Variants in TRPC6 observed in about 807,000 individuals in gnomAD.
The protein encoded by TRPC6 is short transient receptor potential channel 6.
Under a neutral mutation model 90.7 loss-of-function variants are expected in TRPC6, and 55 were observed. That is an observed-to-expected ratio of 0.61 (90% confidence interval 0.49 to 0.76). The LOEUF (loss-of-function observed/expected upper bound fraction) is 0.76, where lower values mean the gene tolerates loss of function less well. Among genes scored for constraint, TRPC6 ranks in the 30% least tolerant of loss-of-function variants. The pLI is 0.00. For missense variants in TRPC6, 989 were observed against 1,122.7 expected, an observed-to-expected ratio of 0.88 and a Z score of 1.70; for synonymous variants, 393 against 393.0, an observed-to-expected ratio of 1.00 and a Z score of 0.00.
intron 1 of TRPC6, among the ~76,000 whole-genome samples, chr11:101,555,995 G>A (rs779874384): frequency 2.0e-5 from 3 of 152,118 alleles, no homozygotes; most frequent in African/African-American, 7.2e-5. Flanking sequence ...AGATTAAAAG[G>A]GGGATTTTTT....
intron 1 of TRPC6, among the ~76,000 whole-genome samples, chr11:101,542,796 A>C (rs1450584814): frequency 6.6e-6 from 1 of 152,044 alleles, no homozygotes; most frequent in Non-Finnish European, 1.5e-5. Context: ...ACATCTAAAC[A>C]GATTAAAATT....
At chr11:101,484,595 ATGTGTGTGTGTGTGTG>A (rs61160203) in intron 4 of TRPC6, among the ~76,000 whole-genome samples, 1,943 of 140,900 alleles carry the variant, frequency 0.014, 47 homozygotes, top group African/African-American at 0.047. Context: ...CTCTCATGCT[ATGTGTGTGTGTGTGTG>A]TGTGTGTGTG....
At chr11:101,580,578 T>C (rs2136904512) in intron 1 of TRPC6, among the ~76,000 whole-genome samples, 1 of 145,680 alleles carries the variant, frequency 6.9e-6, no homozygotes, top group African/African-American at 2.5e-5. Context: ...CCCATAAATA[T>C]AAATAAAAAC....
chr11:101,549,479 T>C lies in TRPC6; in HGVS notation c.170+33855A>G, dbSNP rs566534936. 1.1e-4 allele frequency among the ~76,000 whole-genome samples: 17 copies of C among 151,760 alleles called. No individual in the cohort carries two copies. In the East Asian group the frequency reaches 3.3e-3, roughly 29 times the overall value. On this transcript the variant is annotated intron_variant, in intron 1 of 12. Coordinates refer to ENST00000344327, the MANE Select transcript of TRPC6 (RefSeq NM_004621.6). ...AAAAGGCAAGTCAACATTTATCAGA[T>C]CTTATACTGGTAGTTACCAACTTTG...
chr11:101,510,530 A>G (rs1380784407), intron 1 of TRPC6, among the ~76,000 whole-genome samples: 2 of 152,190 alleles, frequency 1.3e-5, no homozygotes, highest in African/African-American at 4.8e-5. Context: ...CACATTTAGC[A>G]TGGTTAAAAG....
At chr11:101,508,527 TTC>T (rs1860325184) in intron 1 of TRPC6, among the ~76,000 whole-genome samples, 2 of 152,136 alleles carry the variant, frequency 1.3e-5, no homozygotes, top group Admixed American at 6.5e-5. Context: ...CCCTCTTCCC[TTC>T]TCTCTGTCAC....
In TRPC6 at chr11:101,504,743, C is replaced by A; in HGVS notation, c.226G>T (p.Gly76Trp). ...GGTCCTCGATTAGCTAACCTTCTCC[C>A]CTTCTCACGGAGAACTGTCTGCCGC... ...HRRQTVLREKGRRLANRGPAY... is the reference protein window; with the variant it reads ...HRRQTVLREKWRRLANRGPAY... The change falls in exon 2 of 13, where the codon GGG becomes TGG. Residue 76 changes from glycine (G) to tryptophan (W), a missense_variant. This residue lies in a region of TRPC6 where 194 missense variants were observed against 136.5 expected (regional missense o/e 1.42). Coordinates refer to ENST00000344327, the MANE Select transcript of TRPC6 (RefSeq NM_004621.6). 6.2e-7 allele frequency: 1 copy of A among 1,602,400 alleles called. No individual in the cohort carries two copies.
Position 101,504,002 on chromosome 11 carries a change from GTC to G in TRPC6, c.945+20_945+21del, listed in dbSNP as rs1180721990. The G allele has an allele frequency of 2.5e-6, 4 of 1,613,794 alleles. No individual in the cohort carries two copies. Among genetic ancestry groups the G allele is most frequent in the African/African-American group, 1.3e-5 (1 of 74,900 alleles). ...TTGACTCTGGCTTGTGGAGGGTGAA[GTC>G]TCTATTGTTAGTGACCTACCTTGAA... On this transcript the variant is annotated intron_variant, in intron 2 of 12. Coordinates refer to ENST00000344327, the MANE Select transcript of TRPC6 (RefSeq NM_004621.6).
chr11:101,503,919 T>C, intron 2 of TRPC6, 105 bp downstream of exon 2: 2 of 1,374,186 alleles, frequency 1.5e-6, no homozygotes, highest in South Asian at 2.4e-5. Flanking sequence ...TAAAATGACC[T>C]AGTGTCCACA....
chr11:101,575,258 A>G (rs758034807), intron 1 of TRPC6, among the ~76,000 whole-genome samples: 4 of 152,226 alleles, frequency 2.6e-5, no homozygotes, highest in Non-Finnish European at 4.4e-5. Context: ...AGTCATGATC[A>G]GTTTGTGGAT....
intron 1 of TRPC6, among the ~76,000 whole-genome samples, chr11:101,554,341 G>T (rs557049944): frequency 2.6e-5 from 4 of 151,678 alleles, no homozygotes; most frequent in Non-Finnish European, 5.9e-5. Flanking sequence ...ATAAACTTTT[G>T]TTTACATTTA....
At chr11:101,564,862 AAAAC>A (rs1430831573) in intron 1 of TRPC6, among the ~76,000 whole-genome samples, 11 of 152,156 alleles carry the variant, frequency 7.2e-5, no homozygotes, top group African/African-American at 2.4e-4. Context: ...TACTGATTTA[AAAAC>A]AGACACATAG....
chr11:101,582,604 A>T (rs1331183159), intron 1 of TRPC6, among the ~76,000 whole-genome samples: 2 of 151,358 alleles, frequency 1.3e-5, no homozygotes, highest in East Asian at 3.9e-4. Flanking sequence ...AAAAGCTTGC[A>T]GTTACCCACA....
Position 101,491,836 on chromosome 11 carries a change from C to CTTTTTTTTT in TRPC6, c.946-107_946-99dup, listed in dbSNP as rs71056611. 6.3e-5 allele frequency: 28 copies of CTTTTTTTTT among 445,038 alleles called. No homozygotes were observed. In the African/African-American group the frequency reaches 7.0e-4, roughly 11 times the overall value. 27.6% of individuals were successfully genotyped at this position (445,038 alleles called of 1,614,324 possible). A position where few individuals can be genotyped will look rare whatever the true frequency, so the allele number is the denominator to read the frequency against. On this transcript the variant is annotated intron_variant, in intron 2 of 12. Transcript: ENST00000344327. Reference sequence around the variant, plus strand: ...GATTTTATACTTTAAGAGAAACATTCTTTTTTTTTTTTTTTTTTTTTTGAG... The same window carrying CTTTTTTTTT: ...GATTTTATACTTTAAGAGAAACATTCTTTTTTTTTTTTTTTTTTTTTTTTTTTTTTTGAG...
chr11:101,532,945 G>A (rs1004133941), intron 1 of TRPC6, among the ~76,000 whole-genome samples: 1 of 152,148 alleles, frequency 6.6e-6, no homozygotes, highest in African/African-American at 2.4e-5. Flanking sequence ...GCCACTCTGA[G>A]CTCCTGAGAA....
At chr11:101,549,385 C>T (rs1591129015) in intron 1 of TRPC6, among the ~76,000 whole-genome samples, 1 of 151,316 alleles carries the variant, frequency 6.6e-6, no homozygotes, top group African/African-American at 2.4e-5. Flanking sequence ...GCAAAACAAA[C>T]ATGTGAATAA....
intron 5 of TRPC6, among the ~76,000 whole-genome samples, chr11:101,477,057 C>A (rs540431225): frequency 6.6e-6 from 1 of 151,964 alleles, no homozygotes; most frequent in African/African-American, 2.4e-5. Flanking sequence ...GGCCGTGTCT[C>A]CCCCCGGCTG....
At chr11:101,506,032 A>AG (rs71056619) in intron 1 of TRPC6, among the ~76,000 whole-genome samples, 1 of 148,648 alleles carries the variant, frequency 6.7e-6, no homozygotes, top group East Asian at 1.9e-4. Flanking sequence ...AAAAAAAAAA[A>AG]GGAAGGGGGC....
At chr11:101,522,112 G>C (rs979255645) in intron 1 of TRPC6, among the ~76,000 whole-genome samples, 1 of 152,128 alleles carries the variant, frequency 6.6e-6, no homozygotes, top group Non-Finnish European at 1.5e-5. Context: ...CATGAGATTT[G>C]GGAGGGGCTA....
Sources: allele counts gnomAD v4.1 joint callset (sites outside exome capture counted in the v4.1 genomes callset), GRCh38; gene constraint gnomAD v4.1.1; regional missense constraint gnomAD v4.1.1; transcripts MANE v1.5; gene names NCBI Gene and HGNC (gene_info 2026-07-23, HGNC 2026-07-21).